The following ITIH5 variants were observed in gnomAD, a reference collection of about 807,000 sequenced individuals.
ITIH5 encodes inter-alpha-trypsin inhibitor heavy chain H5.
ITIH5 carries 65 observed loss-of-function variants against 77.5 expected under a neutral mutation model. The ratio of observed to expected loss-of-function variants is 0.84; its 90% CI spans 0.69 to 1.03. The LOEUF is 1.03. Ranked by LOEUF, ITIH5 falls within the 50% of genes least tolerant of loss-of-function variation. The probability of loss-of-function intolerance (pLI) is 0.00; values close to 1 mark genes in which losing one functional copy is unlikely to be tolerated. For synonymous variants in ITIH5, 525 were observed against 494.3 expected, an observed-to-expected ratio of 1.06 and a Z score of -0.82; for missense variants, 1,208 against 1,213.1, an observed-to-expected ratio of 1.00 and a Z score of 0.06.
At chr10:7,605,193 G>C (rs1554753408) in intron 7 of ITIH5, among the ~76,000 whole-genome samples, 1 of 151,684 alleles carries the variant, frequency 6.6e-6, no homozygotes, top group Non-Finnish European at 1.5e-5. Flanking sequence ...TGCCTTTAGA[G>C]ACACGCTTTC....
chr10:7,589,308 A>C (rs1304439225), intron 7 of ITIH5, among the ~76,000 whole-genome samples: 2 of 151,998 alleles, frequency 1.3e-5, no homozygotes, highest in African/African-American at 4.8e-5. Flanking sequence ...AAAAATACAA[A>C]AATTAGCTGG....
At chr10:7,640,287 G>A (rs372832229) in intron 4 of ITIH5, among the ~76,000 whole-genome samples, 6 of 151,560 alleles carry the variant, frequency 4.0e-5, no homozygotes, top group Admixed American at 2.0e-4. Context: ...CCTGGGCAAT[G>A]TAGCAAGACC....
intron 5 of ITIH5, among the ~76,000 whole-genome samples, chr10:7,636,210 G>A (rs1444901230): frequency 6.6e-6 from 1 of 152,082 alleles, no homozygotes. Context: ...ATTAAAACTA[G>A]ATTATACTGT....
At chr10:7,654,154 T>C (rs1834144171) in intron 2 of ITIH5, among the ~76,000 whole-genome samples, 1 of 152,144 alleles carries the variant, frequency 6.6e-6, no homozygotes, top group African/African-American at 2.4e-5. Context: ...TGAGACTCTG[T>C]AAGCATTCGG....
chr10:7,616,395 A>G (rs1001281437), intron 6 of ITIH5, among the ~76,000 whole-genome samples: 2 of 142,898 alleles, frequency 1.4e-5, no homozygotes, highest in South Asian at 2.2e-4. Flanking sequence ...TTCCTTCATT[A>G]TGTTTTTTTT....
intron 5 of ITIH5, 47 bp from the exon 6 acceptor site, chr10:7,617,329 C>A: frequency 8.0e-7 from 1 of 1,254,600 alleles, no homozygotes; most frequent in Non-Finnish European, 1.1e-6. Context: ...ATATATTTTT[C>A]CAAAAAGAAA....
At chr10:7,640,730 A>G (rs928153103) in intron 4 of ITIH5, 24 bp downstream of exon 4, 1 of 1,520,838 alleles carries the variant, frequency 6.6e-7, no homozygotes, top group Non-Finnish European at 9.1e-7. Flanking sequence ...TGGGTTTTTA[A>G]TTCCTTAATT....
At chr10:7,585,226 A>G (rs1205121307) in intron 8 of ITIH5, among the ~76,000 whole-genome samples, 1 of 152,230 alleles carries the variant, frequency 6.6e-6, no homozygotes, top group Non-Finnish European at 1.5e-5. Flanking sequence ...GGGAATGGCA[A>G]GAGTAAGGCG....
At chr10:7,662,384 G>C (rs1834291421) in intron 1 of ITIH5, among the ~76,000 whole-genome samples, 1 of 151,958 alleles carries the variant, frequency 6.6e-6, no homozygotes, top group South Asian at 2.1e-4. Flanking sequence ...GACAGACAGA[G>C]AAAAGAAAAG....
intron 2 of ITIH5, among the ~76,000 whole-genome samples, chr10:7,654,419 G>A (rs993613947): frequency 6.6e-6 from 1 of 152,198 alleles, no homozygotes; most frequent in East Asian, 1.9e-4. Flanking sequence ...CTTTACAAAC[G>A]TATAGTGAAC....
In ITIH5 at chr10:7,617,154, T is replaced by C. The variant is rs1423078453; in HGVS notation, c.781A>G (p.Arg261Gly). 7.5e-6 allele frequency: 12 copies of C among 1,603,318 alleles called. No homozygotes were observed. The highest frequency in any genetic ancestry group is 9.3e-6 in the Non-Finnish European group (11 of 1,176,516). Reference sequence around the variant, plus strand: ...CTCTGTTCTCTATTGACGTCATATCTAATGATAAAGTCTCCCAAAATTCCA... The same window carrying C: ...CTCTGTTCTCTATTGACGTCATATCCAATGATAAAGTCTCCCAAAATTCCA... Reference protein sequence around the residue: ...QNGILGDFIIRYDVNREQSIG... With the variant: ...QNGILGDFIIGYDVNREQSIG... The change falls in exon 6 of 14, where the codon AGA becomes GGA. Residue 261 changes from arginine to glycine, a missense_variant. Physicochemically the swap from Arg to Gly is moderately radical, Grantham distance 125 (BLOSUM62 -2). Coordinates refer to ENST00000397146, the MANE Select transcript of ITIH5 (RefSeq NM_030569.7).
intron 5 of ITIH5, among the ~76,000 whole-genome samples, chr10:7,629,509 C>CAGCATGTGTCCGTGTTGT (rs1833676956): frequency 3.9e-5 from 2 of 50,926 alleles, no homozygotes; most frequent in African/African-American, 3.6e-4. Flanking sequence ...GTCCATGTTG[C>CAGCATGTGTCCGTGTTGT]AGCGTGTGTC....
chr10:7,601,166 G>A (rs1402939030), intron 7 of ITIH5, among the ~76,000 whole-genome samples: 1 of 152,126 alleles, frequency 6.6e-6, no homozygotes, highest in Non-Finnish European at 1.5e-5. Context: ...ATCAGCAACT[G>A]ATGTCATTTG....
chr10:7,563,191 G>C lies in ITIH5; in HGVS notation c.2721C>G (p.Ala907=). 1 of 1,614,200 alleles carries C rather than the reference G, an allele frequency of 6.2e-7. No individual in the cohort carries two copies. The highest frequency in any genetic ancestry group is 1.1e-5 in the South Asian group (1 of 91,080). ...CAATCAGTTTGGCGGCATTGTTCCT[G>C]GCAAACCAGCAGTCTATCTGCTCTT... ...NGEEQIDCWF[A]RNNAAKLIDG... The change falls in exon 14 of 14, where the codon GCC becomes GCG. Residue 907 remains alanine, a synonymous_variant. Coordinates refer to ENST00000397146, the MANE Select transcript of ITIH5 (RefSeq NM_030569.7).
chr10:7,624,762 G>A (rs1396580336), intron 5 of ITIH5, among the ~76,000 whole-genome samples: 1 of 72,866 alleles, frequency 1.4e-5, no homozygotes, highest in Non-Finnish European at 2.7e-5. Context: ...CTCCAACCTG[G>A]GCGATAGAGT....
intron 13 of ITIH5, among the ~76,000 whole-genome samples, chr10:7,565,180 C>T (rs1288905204): frequency 3.3e-5 from 2 of 61,352 alleles, no homozygotes; most frequent in Admixed American, 1.8e-4. Context: ...CATACACAGG[C>T]TATATATATA....
intron 7 of ITIH5, among the ~76,000 whole-genome samples, chr10:7,595,730 C>T (rs964120184): frequency 2.0e-5 from 3 of 152,082 alleles, no homozygotes; most frequent in African/African-American, 7.2e-5. Flanking sequence ...AAACTCTGGC[C>T]GGGTGTGGTG....
intron 7 of ITIH5, 130 bp downstream of exon 7, chr10:7,615,852 G>A: frequency 1.5e-6 from 1 of 670,200 alleles, no homozygotes; most frequent in Non-Finnish European, 2.7e-6. Flanking sequence ...GCTCAAGAAG[G>A]CTTTCCATAG....
chr10:7,586,733 A>G (rs1832687027), intron 7 of ITIH5, among the ~76,000 whole-genome samples: 1 of 152,216 alleles, frequency 6.6e-6, no homozygotes, highest in Admixed American at 6.5e-5. Context: ...GGAATTGAAA[A>G]GATTATTACT....
Sources: gnomAD v4.1 joint callset for allele counts (sites outside exome capture counted in the v4.1 genomes callset) on GRCh38, gnomAD v4.1.1 for gene constraint, MANE v1.5 for transcripts, NCBI Gene and HGNC (gene_info 2026-07-23, HGNC 2026-07-21) for gene names.